FAXDC2: variants seen among roughly 807,000 people sequenced by gnomAD.
The protein encoded by FAXDC2 is fatty acid hydroxylase domain containing 2.
In FAXDC2, 41 loss-of-function variants were observed where a neutral mutation model predicts 40.9. The observed-to-expected ratio is 1.00, with a 90% CI of 0.78 to 1.30. The LOEUF is 1.30. Among genes scored for constraint, FAXDC2 ranks in the 50% most tolerant of loss-of-function variants. FAXDC2 has a pLI of 0.00. For missense variants in FAXDC2, 390 were observed against 408.8 expected, an observed-to-expected ratio of 0.95 and a Z score of 0.40; for synonymous variants, 157 against 149.3, an observed-to-expected ratio of 1.05 and a Z score of -0.38.
intron 1 of FAXDC2, among the ~76,000 whole-genome samples, chr5:154,845,608 T>A (rs917154892): frequency 1.3e-5 from 2 of 151,880 alleles, no homozygotes; most frequent in South Asian, 4.2e-4. Context: ...CCAGGTGTGG[T>A]GGCTCATGCT....
intron 1 of FAXDC2, among the ~76,000 whole-genome samples, chr5:154,845,974 A>T (rs7719831): frequency 0.1 from 15,491 of 148,412 alleles, 804 homozygotes; most frequent in African/African-American, 0.12. Flanking sequence ...ATATATATAT[A>T]TTTTTTTTTA....
At chr5:154,842,624 G>C (rs2113166398) in intron 1 of FAXDC2, among the ~76,000 whole-genome samples, 1 of 143,662 alleles carries the variant, frequency 7.0e-6, no homozygotes, top group Non-Finnish European at 1.5e-5. Context: ...CCAGGTTCAG[G>C]CAATTCTCCT....
chr5:154,825,946 C>T (rs1170339704), intron 5 of FAXDC2, among the ~76,000 whole-genome samples: 3 of 152,066 alleles, frequency 2.0e-5, no homozygotes, highest in Non-Finnish European at 4.4e-5. Context: ...ATCAGAAATG[C>T]TCTTTTGGAC....
chr5:154,835,883 CTTTTTTTTTTTTT>C (rs869068025), intron 2 of FAXDC2, among the ~76,000 whole-genome samples: 8 of 47,870 alleles, frequency 1.7e-4, no homozygotes, highest in South Asian at 1.3e-3. Flanking sequence ...GCCCGGCCGA[CTTTTTTTTTTTTT>C]TTTTTTTTTT....
intron 7 of FAXDC2, chr5:154,821,989 T>A (rs1360898150): frequency 6.3e-6 from 1 of 157,898 alleles, no homozygotes; most frequent in Non-Finnish European, 1.4e-5. Context: ...CTCAGGAGGC[T>A]GAGACAGGAG....
rs535991670 is a variant in FAXDC2 at position 154,844,941 on chromosome 5, CCTT to C, written c.-1+5539_-1+5541del. Among the ~76,000 whole-genome samples the C allele has an allele frequency of 5.9e-5, 9 of 152,296 alleles. No homozygotes were observed. In the South Asian group the frequency reaches 1.9e-3, roughly 32 times the overall value. On this transcript the variant is annotated intron_variant, in intron 1 of 8. Transcript: ENST00000326080. ...ACTGGACTCCTCTGCTCTACGTACA[CCTT>C]CTGGCCAAAGGGAAAATGATTGCTT...
intron 1 of FAXDC2, among the ~76,000 whole-genome samples, 191 bp downstream of exon 1, chr5:154,850,292 C>G (rs968860228): frequency 1.3e-5 from 2 of 152,236 alleles, no homozygotes; most frequent in Non-Finnish European, 2.9e-5. Context: ...GACTGCACTA[C>G]AGCAATGTCC....
At chr5:154,846,432 C>T (rs1040505366) in intron 1 of FAXDC2, among the ~76,000 whole-genome samples, 6 of 152,132 alleles carry the variant, frequency 3.9e-5, no homozygotes, top group East Asian at 1.9e-4. Flanking sequence ...TTTATAACAT[C>T]GTATAACTTT....
rs1008312493 is a variant in FAXDC2, at chr5:154,824,502, T to C, written c.367-910A>G. The C allele has an allele frequency of 4.3e-6, 3 of 702,566 alleles. No individual in the cohort carries two copies. In the Admixed American group the frequency reaches 6.0e-5, roughly 14 times the overall value. The allele number at this position is 702,566 out of a possible 1,614,324, so 43.5% of individuals were successfully genotyped here. A position where few individuals can be genotyped will look rare whatever the true frequency, so the allele number is the denominator to read the frequency against. ...CCAGGCACTGCATGCATTAACTGAT[T>C]TCAGAATTCACTCTTTGTTTACTTC... is the stretch of plus-strand genomic sequence containing the variant. On this transcript the variant is annotated intron_variant, in intron 5 of 8. Transcript: ENST00000326080.
intron 5 of FAXDC2, among the ~76,000 whole-genome samples, chr5:154,827,560 C>G (rs575495437): frequency 1.3e-5 from 2 of 151,692 alleles, no homozygotes; most frequent in African/African-American, 4.8e-5. Context: ...TTTCGCCAGC[C>G]TGTTGTGAGA....
intron 1 of FAXDC2, among the ~76,000 whole-genome samples, chr5:154,842,997 C>G (rs2544860): frequency 0.62 from 94,994 of 151,998 alleles, 30,638 homozygotes; most frequent in Middle Eastern, 0.72. Flanking sequence ...AAGGAACCAA[C>G]TGTCAAAAGA....
chr5:154,836,099 T>A (rs1275348236), intron 2 of FAXDC2: 1 of 151,926 alleles, frequency 6.6e-6, no homozygotes, highest in Admixed American at 6.6e-5. Context: ...GGTTTTGCCA[T>A]GTTGGCCAGG....
intron 2 of FAXDC2, 138 bp from the exon 3 acceptor site, chr5:154,835,072 C>T: frequency 1.6e-6 from 1 of 628,008 alleles, no homozygotes; most frequent in South Asian, 1.9e-5. Context: ...TTCCAGCTGG[C>T]CTTTTCCAGC....
intron 5 of FAXDC2, among the ~76,000 whole-genome samples, chr5:154,827,421 T>TTGTGTGTGTG (rs10528622): frequency 0.083 from 11,547 of 138,546 alleles, 631 homozygotes; most frequent in Middle Eastern, 0.11. Flanking sequence ...TTCTGTTATT[T>TTGTGTGTGTG]TGTGTGTGTG....
chr5:154,836,284 G>C (rs912431951), intron 2 of FAXDC2: 1 of 152,150 alleles, frequency 6.6e-6, no homozygotes, highest in Non-Finnish European at 1.5e-5. Flanking sequence ...CCATTCTGAG[G>C]GTCAAGGAGA....
chr5:154,838,257 G>GTGTA, intron 1 of FAXDC2, 79 bp from the exon 2 acceptor site: 1 of 1,312,046 alleles, frequency 7.6e-7, no homozygotes, highest in Non-Finnish European at 1.1e-6. Flanking sequence ...GAAAGTCAAA[G>GTGTA]TGTATGGCTA....
intron 1 of FAXDC2, among the ~76,000 whole-genome samples, chr5:154,845,789 ATTTT>A (rs58726575): frequency 7.4e-6 from 1 of 134,594 alleles, no homozygotes; most frequent in African/African-American, 2.7e-5. Flanking sequence ...TTGGACACCT[ATTTT>A]TTTTTTTTTT....
intron 5 of FAXDC2, chr5:154,823,956 T>G (rs576391516): frequency 3.7e-6 from 1 of 272,008 alleles, no homozygotes; most frequent in South Asian, 5.2e-5. Context: ...GCTGTGACTT[T>G]CTGAGTGATA....
intron 5 of FAXDC2, chr5:154,824,652 TTAAC>T: frequency 1.5e-6 from 1 of 685,688 alleles, no homozygotes; most frequent in Non-Finnish European, 2.7e-6. Context: ...ATTTATTTAT[TTAAC>T]TGATATTTAT....
Sources: allele counts gnomAD v4.1 joint callset (sites outside exome capture counted in the v4.1 genomes callset), GRCh38; gene constraint gnomAD v4.1.1; transcripts MANE v1.5; gene names NCBI Gene and HGNC (gene_info 2026-07-23, HGNC 2026-07-21).